The following NTRK3 variants were observed in gnomAD, a reference collection of about 807,000 sequenced individuals.
NTRK3 encodes the protein NT-3 growth factor receptor.
NTRK3 carries 24 observed loss-of-function variants against 91.7 expected under a neutral mutation model. The ratio of observed to expected loss-of-function variants is 0.26; its 90% CI spans 0.19 to 0.37. The LOEUF (loss-of-function observed/expected upper bound fraction) is 0.37. Ranked by LOEUF, NTRK3 falls within the 10% of genes least tolerant of loss-of-function variation. The pLI is 1.00. For missense variants in NTRK3, 880 were observed against 1,068.9 expected, an observed-to-expected ratio of 0.82 and a Z score of 2.46; for synonymous variants, 483 against 404.0, an observed-to-expected ratio of 1.20 and a Z score of -2.34.
chr15:88,104,352 A>G (rs1313835804), intron 13 of NTRK3, among the ~76,000 whole-genome samples: 1 of 152,224 alleles, frequency 6.6e-6, no homozygotes. Context: ...TACTGTCTCT[A>G]ATGAAGATGC....
intron 13 of NTRK3, among the ~76,000 whole-genome samples, chr15:88,053,855 G>A (rs760948561): frequency 3.9e-5 from 6 of 152,194 alleles, no homozygotes; most frequent in Non-Finnish European, 8.8e-5. Flanking sequence ...AATGGAACTG[G>A]TAAAAATCAG....
intron 13 of NTRK3, among the ~76,000 whole-genome samples, chr15:88,121,161 C>T (rs978046043): frequency 1.3e-5 from 2 of 152,158 alleles, no homozygotes; most frequent in Non-Finnish European, 2.9e-5. Flanking sequence ...TTATGATGCT[C>T]ACCTTATACT....
chr15:87,892,779 T>C (rs996450143), intron 17 of NTRK3, among the ~76,000 whole-genome samples: 13 of 152,242 alleles, frequency 8.5e-5, no homozygotes, highest in African/African-American at 3.1e-4. Flanking sequence ...GAGTGGCCAA[T>C]AAAAGGATTT....
intron 5 of NTRK3, among the ~76,000 whole-genome samples, chr15:88,154,782 A>G (rs2043732064): frequency 6.6e-6 from 1 of 152,188 alleles, no homozygotes; most frequent in African/African-American, 2.4e-5. Context: ...GAAAAAGATC[A>G]TATTGCTTGA....
exon 19 of NTRK3, chr15:87,862,768 T>G: frequency 4.4e-6 from 1 of 229,668 alleles, no homozygotes. Context: ...ATTCTTATTG[T>G]GATTGTTTAA....
chr15:88,209,522 T>C (rs577720521), intron 3 of NTRK3, among the ~76,000 whole-genome samples: 6 of 151,766 alleles, frequency 4.0e-5, no homozygotes, highest in Non-Finnish European at 5.9e-5. Flanking sequence ...CATCTTGGAG[T>C]TGCTAAAAAG....
chr15:88,230,411 G>A (rs748698200), intron 3 of NTRK3, among the ~76,000 whole-genome samples: 5 of 152,114 alleles, frequency 3.3e-5, no homozygotes, highest in South Asian at 4.1e-4. Flanking sequence ...GATCATGATC[G>A]CGGAAAGCTG....
chr15:87,941,232 G>A (rs1008732492), intron 14 of NTRK3, among the ~76,000 whole-genome samples: 4 of 152,134 alleles, frequency 2.6e-5, no homozygotes, highest in Admixed American at 6.5e-5. Context: ...TCCAGGGTAC[G>A]ATTGAGAATC....
At chr15:88,094,330 G>T (rs1039006932) in intron 13 of NTRK3, among the ~76,000 whole-genome samples, 1 of 151,762 alleles carries the variant, frequency 6.6e-6, no homozygotes, top group African/African-American at 2.4e-5. Context: ...TTAGCCGGGC[G>T]CGGTGGCGGG....
chr15:88,142,918 C>T (rs1346955824), intron 6 of NTRK3, among the ~76,000 whole-genome samples: 1 of 152,028 alleles, frequency 6.6e-6, no homozygotes, highest in Non-Finnish European at 1.5e-5. Flanking sequence ...ATAACTGGTA[C>T]CCTTAAAAAA....
intron 5 of NTRK3, among the ~76,000 whole-genome samples, chr15:88,158,661 C>T (rs2044146429): frequency 6.6e-6 from 1 of 152,182 alleles, no homozygotes; most frequent in South Asian, 2.1e-4. Context: ...TTGGGAGTTT[C>T]TTTTCAGATA....
exon 19 of NTRK3, chr15:87,867,728 A>G (rs2064723832): frequency 8.7e-6 from 2 of 228,814 alleles, no homozygotes; most frequent in Non-Finnish European, 1.7e-5. Flanking sequence ...TGAGCTTCAT[A>G]TCTGACTACT....
At chr15:87,877,146 G>A (rs890853760) in intron 18 of NTRK3, 26 bp from the exon 20 acceptor site, 1 of 1,612,256 alleles carries the variant, frequency 6.2e-7, no homozygotes, top group Non-Finnish European at 8.5e-7. Context: ...GAACAAGGAA[G>A]TTACACCCAA....
At chr15:88,127,062 G>A (rs1420023944) in intron 12 of NTRK3, 100 bp downstream of exon 12, 1 of 1,055,442 alleles carries the variant, frequency 9.5e-7, no homozygotes, top group African/African-American at 1.6e-5. Context: ...TTTTTTCAAA[G>A]TTTCAAGTAA....
At chr15:88,055,808 A>G (rs2045625853) in intron 13 of NTRK3, among the ~76,000 whole-genome samples, 1 of 152,188 alleles carries the variant, frequency 6.6e-6, no homozygotes, top group Admixed American at 6.5e-5. Context: ...TAAACGGGGC[A>G]GCCTCAAGGT....
chr15:88,132,997 G>C (rs537433646), intron 10 of NTRK3, among the ~76,000 whole-genome samples: 1 of 152,264 alleles, frequency 6.6e-6, no homozygotes, highest in African/African-American at 2.4e-5. Context: ...GATTGCAAAG[G>C]AGGGAGTACT....
intron 3 of NTRK3, among the ~76,000 whole-genome samples, chr15:88,202,290 G>A (rs1260649085): frequency 7.2e-5 from 11 of 152,066 alleles, no homozygotes; most frequent in Non-Finnish European, 8.8e-5. Context: ...CTTCACTTCC[G>A]TTCGACATCT....
intron 15 of NTRK3, among the ~76,000 whole-genome samples, chr15:87,935,119 C>T (rs1355328801): frequency 1.3e-5 from 2 of 152,114 alleles, no homozygotes; most frequent in Non-Finnish European, 2.9e-5. Context: ...GCCCAGCACA[C>T]CTGCCTGAAT....
chr15:88,096,808 T>C (rs2049655301), intron 13 of NTRK3, among the ~76,000 whole-genome samples: 1 of 152,144 alleles, frequency 6.6e-6, no homozygotes, highest in African/African-American at 2.4e-5. Context: ...AGCAATCCAC[T>C]CACTGTCACG....
Sources: allele counts gnomAD v4.1 joint callset (sites outside exome capture counted in the v4.1 genomes callset), GRCh38; gene constraint gnomAD v4.1.1; transcripts MANE v1.5; gene names NCBI Gene and HGNC (gene_info 2026-07-23, HGNC 2026-07-21).